Variants in GLP1R observed in about 807,000 individuals in gnomAD.
GLP1R encodes the protein glucagon-like peptide 1 receptor.
In GLP1R, 32 loss-of-function variants were observed where a neutral mutation model predicts 68.4. The ratio of observed to expected loss-of-function variants is 0.47; its 90% CI spans 0.35 to 0.63. GLP1R has a LOEUF of 0.63. Among genes scored for constraint, GLP1R ranks in the 20% least tolerant of loss-of-function variants. GLP1R has a pLI of 0.00. For missense variants in GLP1R, 502 were observed against 594.9 expected (o/e 0.84, Z 1.62); for synonymous variants, 263 against 244.4 (o/e 1.08, Z -0.71).
intron 1 of GLP1R, 41 bp from the exon 2 acceptor site, chr6:39,056,356 T>G: frequency 9.6e-7 from 1 of 1,038,268 alleles, no homozygotes; most frequent in Non-Finnish European, 1.5e-6. Context: ...GGAGAGGGGC[T>G]GGCTGAACCC....
At chr6:39,067,292 C>G (rs924497740) in intron 5 of GLP1R, among the ~76,000 whole-genome samples, 6 of 152,186 alleles carry the variant, frequency 3.9e-5, no homozygotes, top group African/African-American at 9.7e-5. Context: ...TTGTCTTAGT[C>G]TTTTCCTGCT....
intron 7 of GLP1R, chr6:39,074,528 T>C (rs1184774223): frequency 6.6e-6 from 1 of 152,254 alleles, no homozygotes; most frequent in Non-Finnish European, 1.5e-5. Context: ...GGCCCTGCCC[T>C]CTGTCCTCCC....
chr6:39,057,670 G>C, intron 3 of GLP1R, 91 bp downstream of exon 3: 2 of 721,478 alleles, frequency 2.8e-6, no homozygotes, highest in Non-Finnish European at 4.7e-6. Flanking sequence ...CAGCAGTGGT[G>C]AGCCCCCTCC....
chr6:39,059,375 CA>C (rs752442883), intron 3 of GLP1R, among the ~76,000 whole-genome samples: 32 of 152,288 alleles, frequency 2.1e-4, no homozygotes, highest in Non-Finnish European at 3.7e-4. Context: ...ATTGCTACAC[CA>C]AAGTCTTCCT....
intron 7 of GLP1R, among the ~76,000 whole-genome samples, chr6:39,075,606 C>A (rs1341955113): frequency 1.3e-5 from 2 of 152,132 alleles, no homozygotes; most frequent in Non-Finnish European, 2.9e-5. Flanking sequence ...GGAGGACACC[C>A]TGCTCTAATC....
chr6:39,065,748 A>G lies in GLP1R; in HGVS notation c.321A>G (p.Glu107=), dbSNP rs1159561886. 6.3e-7 allele frequency: 1 copy of G among 1,579,818 alleles called. No homozygotes were observed. ...ACGTGTACCGGTTCTGCACAGCTGA[A>G]GGCCTCTGGCTGCAGAAGGACAACT... The part of the protein sequence containing the change: ...QGHVYRFCTA[E]GLWLQKDNSS... Residue 107 remains glutamate, a synonymous_variant, in exon 4 of 13, where the codon GAA becomes GAG. Transcript: ENST00000373256.
intron 1 of GLP1R, among the ~76,000 whole-genome samples, chr6:39,053,189 A>T (rs1416715949): frequency 6.6e-6 from 1 of 152,100 alleles, no homozygotes; most frequent in East Asian, 1.9e-4. Context: ...AGGGACAGGG[A>T]CATCTGGATT....
chr6:39,061,074 C>A (rs75076113), intron 3 of GLP1R, among the ~76,000 whole-genome samples: 2 of 152,190 alleles, frequency 1.3e-5, no homozygotes, highest in Non-Finnish European at 2.9e-5. Flanking sequence ...AATGAGGGTT[C>A]CAGGCAGCAC....
At position 39,066,296 on chromosome 6, in the gene GLP1R, G is replaced by A. The variant is rs6923761; in HGVS notation, c.502G>A (p.Gly168Ser). ...GGTTATCGCCTCTGCGATCCTCCTC[G>A]GCTTCAGGTAAGGTGGCCCGGACCC... Reference protein sequence around the residue: ...ALVIASAILLGFRHLHCTRNY... With the variant: ...ALVIASAILLSFRHLHCTRNY... Residue 168 changes from glycine to serine, a missense_variant, in exon 5 of 13, where the codon GGC (glycine) becomes AGC (serine). Physicochemically the swap from Gly to Ser is moderately conservative, Grantham distance 56 (BLOSUM62 0). Transcript: ENST00000373256. 466,030 of 1,594,086 alleles carry A rather than the reference G, an allele frequency of 0.29. 76,319 individuals carry two copies. The highest frequency in any genetic ancestry group is 0.34 in the Non-Finnish European group (396,349 of 1,161,864).
chr6:39,066,088 G>T, intron 4 of GLP1R, 109 bp from the exon 5 acceptor site: 1 of 648,324 alleles, frequency 1.5e-6, no homozygotes, highest in Non-Finnish European at 2.8e-6. Context: ...GGTATCCCCG[G>T]TGAGTCCTGA....
At chr6:39,056,901 C>T (rs2150821660) in intron 2 of GLP1R, among the ~76,000 whole-genome samples, 1 of 152,286 alleles carries the variant, frequency 6.6e-6, no homozygotes, top group East Asian at 1.9e-4. Flanking sequence ...CATTTTTGTC[C>T]TCAGCACCTC....
intron 12 of GLP1R, among the ~76,000 whole-genome samples, chr6:39,083,812 G>A (rs1295555870): frequency 1.3e-5 from 2 of 152,210 alleles, no homozygotes; most frequent in Admixed American, 1.3e-4. Context: ...AGGAGGAAGT[G>A]TGGTGGCCTA....
chr6:39,086,070 C>G lies in GLP1R; in HGVS notation c.1389C>G (p.Ser463Arg). The change falls in exon 13 of 13, where the codon AGC (serine) becomes AGG (arginine). Residue 463 changes from serine to arginine, a missense_variant. Coordinates refer to ENST00000373256, the MANE Select transcript of GLP1R (RefSeq NM_002062.5). The surrounding 1 kb of genome is among the most constrained non-coding windows in gnomAD (Gnocchi z 4.5). ...MYTATCQASCS is the reference protein window; with the variant it reads ...MYTATCQASCR ...CAGCCACTTGCCAGGCCTCCTGCAGCTGAGACTCCAGCGCCTGCCCTCCCT... is the reference window on the plus strand; with the variant it reads ...CAGCCACTTGCCAGGCCTCCTGCAGGTGAGACTCCAGCGCCTGCCCTCCCT... The G allele has an allele frequency of 1.2e-6, 2 of 1,613,474 alleles. No homozygotes were observed. The highest frequency in any genetic ancestry group is 1.7e-6 in the Non-Finnish European group (2 of 1,179,736).
chr6:39,079,477 T>C lies in GLP1R; in HGVS notation c.1044-87T>C. The stretch of plus-strand genomic sequence containing the variant: ...CATCCATGACCCAGATATCAGGACT[T>C]GGTAGGAAGTGGGGAGGGTAGAGAA... On this transcript the variant is annotated intron_variant, in intron 10 of 12. Transcript: ENST00000373256. The surrounding 1 kb of genome is among the most constrained non-coding windows in gnomAD (Gnocchi z 4.5). The C allele has an allele frequency of 7.7e-7, 1 of 1,301,136 alleles. No homozygotes were observed. Among genetic ancestry groups the C allele is most frequent in the Non-Finnish European group, 1.1e-6 (1 of 940,246 alleles). 80.6% of individuals were successfully genotyped at this position (1,301,136 alleles called of 1,614,324 possible).
Position 39,080,711 on chromosome 6 carries a change from C to G in GLP1R, c.1196C>G (p.Ala399Gly), listed in dbSNP as rs1361251401. The G allele has an allele frequency of 1.3e-6, 2 of 1,597,472 alleles. No homozygotes were observed. Among genetic ancestry groups the G allele is most frequent in the Non-Finnish European group, 1.7e-6 (2 of 1,170,850 alleles). ...TCTTGTTTCCAGGGGCTGATGGTGG[C>G]CATATTATACTGCTTTGTCAACAAT... is the stretch of plus-strand genomic sequence containing the variant. ...SFTSFQGLMV[A>G]ILYCFVNNEV... is the part of the protein sequence containing the mutation. The change falls in exon 12 of 13, where the codon GCC becomes GGC. Residue 399 changes from alanine (A) to glycine (G), a missense_variant. Physicochemically the swap from Ala to Gly is moderately conservative, Grantham distance 60. Transcript: ENST00000373256.
rs1472645050 is a variant in GLP1R at position 39,088,833 on chromosome 6, C to T, written c.*2760C>T. On this transcript the variant is annotated 3_prime_UTR_variant, in exon 13 of 13. Coordinates refer to ENST00000373256, the MANE Select transcript of GLP1R (RefSeq NM_002062.5). The stretch of plus-strand genomic sequence containing the variant: ...CTGAGCAGAGAAAGACCTTGGTGAT[C>T]CCCCCTGGCCCGATCTATAGGATTG... 6.6e-6 allele frequency among the ~76,000 whole-genome samples: 1 copy of T among 152,056 alleles called. No individual in the cohort carries two copies. Among genetic ancestry groups the T allele is most frequent in the African/African-American group, 2.4e-5 (1 of 41,396 alleles).
intron 3 of GLP1R, among the ~76,000 whole-genome samples, chr6:39,064,153 G>A (rs138259285): frequency 0.074 from 11,168 of 151,714 alleles, 529 homozygotes; most frequent in African/African-American, 0.12. Flanking sequence ...ACAGGCGCAC[G>A]CCACCATGCC....
At position 39,065,586 on chromosome 6, in the gene GLP1R, A is replaced by G. The variant is rs1768479760; in HGVS notation, c.284-125A>G. 2.6e-5 allele frequency: 16 copies of G among 619,238 alleles called. No homozygotes were observed. The East Asian group carries it at 4.4e-4, about 17-fold the overall frequency. The allele number at this position is 619,238 out of a possible 1,614,324, so 38.4% of individuals were successfully genotyped here. On this transcript the variant is annotated intron_variant, in intron 3 of 12. Coordinates refer to ENST00000373256, the MANE Select transcript of GLP1R (RefSeq NM_002062.5). ...TAAAGAAGGGAAAAGGATGTCACTA[A>G]CTCAGAGTAGTCCATTCTGGGGGAG...
chr6:39,056,018 G>A (rs543377616), intron 1 of GLP1R, among the ~76,000 whole-genome samples: 14 of 152,230 alleles, frequency 9.2e-5, no homozygotes, highest in East Asian at 5.8e-4. Context: ...CTGACTAGGC[G>A]CCAGAAGGAG....
Sources: gnomAD v4.1 joint callset for allele counts (sites outside exome capture counted in the v4.1 genomes callset) on GRCh38, gnomAD v4.1.1 for gene constraint, Gnocchi (gnomAD v3.1) non-coding constraint, MANE v1.5 for transcripts, NCBI Gene and HGNC (gene_info 2026-07-23, HGNC 2026-07-21) for gene names.